Variants in IGFL2 observed in about 807,000 individuals in gnomAD.
The protein encoded by IGFL2 is IGF like family member 2, also known as insulin growth factor-like family member 2.
In IGFL2, 7 loss-of-function variants were observed where a neutral mutation model predicts 13.9. The observed-to-expected ratio is 0.51, with a 90% CI of 0.29 to 0.95. The LOEUF is 0.95. Among genes scored for constraint, IGFL2 ranks in the 40% least tolerant of loss-of-function variants. IGFL2 has a pLI of 0.08. For missense variants in IGFL2, 138 were observed against 147.8 expected, an observed-to-expected ratio of 0.93 and a Z score of 0.34; for synonymous variants, 55 against 55.8, an observed-to-expected ratio of 0.99 and a Z score of 0.07.
the IGFL2 span, among the ~76,000 whole-genome samples, chr19:46,194,819 G>T: frequency 2.4e-5 from 3 of 125,792 alleles, no homozygotes; most frequent in Non-Finnish European, 4.9e-5. Context: ...CAAGACCCAG[G>T]CTTCCTCATT....
the IGFL2 span, chr19:46,111,684 A>G: frequency 6.6e-6 from 1 of 152,226 alleles, no homozygotes; most frequent in Non-Finnish European, 1.5e-5. Flanking sequence ...TGATTAGATG[A>G]GTCACATCTT....
upstream of IGFL2, among the ~76,000 whole-genome samples, chr19:46,138,388 A>G (rs141770720): frequency 5.5e-3 from 840 of 152,276 alleles, 7 homozygotes; most frequent in African/African-American, 0.019. Flanking sequence ...TTAAACACCT[A>G]CTGCACTAGA....
At chr19:46,091,756 TGAAA>T in the IGFL2 span, among the ~76,000 whole-genome samples, 1 of 152,304 alleles carries the variant, frequency 6.6e-6, no homozygotes, top group South Asian at 2.1e-4. Context: ...TGTCTTTAGT[TGAAA>T]GAATTATTTA....
the IGFL2 span, among the ~76,000 whole-genome samples, chr19:46,129,219 A>C: frequency 6.7e-6 from 1 of 149,590 alleles, no homozygotes; most frequent in African/African-American, 2.5e-5. Flanking sequence ...ATTTATTCGG[A>C]TCTTCCCTCT....
chr19:46,087,410 T>C, the IGFL2 span, among the ~76,000 whole-genome samples: 2 of 152,180 alleles, frequency 1.3e-5, no homozygotes, highest in African/African-American at 4.8e-5. Context: ...GGTTGCGTGA[T>C]CTGCAGGCCC....
At chr19:46,110,657 A>G in the IGFL2 span, among the ~76,000 whole-genome samples, 1 of 152,226 alleles carries the variant, frequency 6.6e-6, no homozygotes, top group East Asian at 1.9e-4. Context: ...TTGGCTATGC[A>G]AAAAGTTGTT....
chr19:46,119,449 C>T, the IGFL2 span, among the ~76,000 whole-genome samples: 1 of 152,172 alleles, frequency 6.6e-6, no homozygotes, highest in Admixed American at 6.5e-5. Context: ...CATCTGGAGG[C>T]CCAAGAATCA....
the IGFL2 span, among the ~76,000 whole-genome samples, chr19:46,177,374 T>C: frequency 1.3e-5 from 2 of 152,116 alleles, no homozygotes; most frequent in Admixed American, 1.3e-4. Flanking sequence ...GCTTGGATGA[T>C]AGAGTGAGAC....
At chr19:46,156,402 T>TTAGA (rs1283924068) in intron 1 of IGFL2, among the ~76,000 whole-genome samples, 2 of 152,184 alleles carry the variant, frequency 1.3e-5, no homozygotes, top group South Asian at 2.1e-4. Flanking sequence ...TTGGCTTCTA[T>TTAGA]CTAGAGCCGT....
chr19:46,088,300 G>C, the IGFL2 span, among the ~76,000 whole-genome samples: 1 of 152,068 alleles, frequency 6.6e-6, no homozygotes, highest in African/African-American at 2.4e-5. Context: ...CCTTTATTCT[G>C]TGTCTTTTGA....
the IGFL2 span, among the ~76,000 whole-genome samples, chr19:46,119,333 T>C: frequency 6.6e-6 from 1 of 152,132 alleles, no homozygotes; most frequent in Admixed American, 6.5e-5. Flanking sequence ...AGTGAGCTGT[T>C]CTACCACTGC....
At chr19:46,120,842 T>C in the IGFL2 span, among the ~76,000 whole-genome samples, 1 of 150,870 alleles carries the variant, frequency 6.6e-6, no homozygotes, top group African/African-American at 2.5e-5. Context: ...ATGAGAAATA[T>C]TGAAGGTAAT....
the IGFL2 span, among the ~76,000 whole-genome samples, chr19:46,206,084 A>G: frequency 6.6e-6 from 1 of 152,182 alleles, no homozygotes; most frequent in Non-Finnish European, 1.5e-5. Flanking sequence ...GAAGAGTCCA[A>G]CCCAGGGCTG....
the IGFL2 span, among the ~76,000 whole-genome samples, chr19:46,183,940 C>T: frequency 6.6e-6 from 1 of 152,188 alleles, no homozygotes; most frequent in Non-Finnish European, 1.5e-5. Context: ...TCTAGGTTTT[C>T]AGCATTTTTT....
intron 1 of IGFL2, among the ~76,000 whole-genome samples, chr19:46,149,510 A>G (rs554596626): frequency 6.6e-6 from 1 of 150,892 alleles, no homozygotes. Context: ...CGACCACCGC[A>G]TGCCCATTTA....
the IGFL2 span, among the ~76,000 whole-genome samples, chr19:46,098,514 C>G: frequency 7.9e-6 from 1 of 127,166 alleles, no homozygotes; most frequent in East Asian, 2.3e-4. Context: ...GAGTCTCGTT[C>G]TGCCACCCAG....
At chr19:46,117,701 G>C in the IGFL2 span, among the ~76,000 whole-genome samples, 3 of 152,166 alleles carry the variant, frequency 2.0e-5, no homozygotes, top group Admixed American at 2.0e-4. Flanking sequence ...GGATGGCCTC[G>C]ATCTCTTGAC....
the IGFL2 span, among the ~76,000 whole-genome samples, chr19:46,170,698 A>G: frequency 6.6e-6 from 1 of 152,160 alleles, no homozygotes; most frequent in East Asian, 1.9e-4. Context: ...GGGGGCCTCT[A>G]AAATGGCCAC....
chr19:46,102,202 T>C, the IGFL2 span, among the ~76,000 whole-genome samples: 2 of 152,336 alleles, frequency 1.3e-5, no homozygotes, highest in East Asian at 3.9e-4. Context: ...GCTAATTTCA[T>C]GCGCGCGTCT....
Sources: gnomAD v4.1 joint callset for allele counts (sites outside exome capture counted in the v4.1 genomes callset) on GRCh38, gnomAD v4.1.1 for gene constraint, MANE v1.5 for transcripts, NCBI Gene and HGNC (gene_info 2026-07-23, HGNC 2026-07-21) for gene names.